ASXL3: variants seen among roughly 807,000 people sequenced by gnomAD.
ASXL3 encodes the protein ASXL transcriptional regulator 3.
A neutral mutation model predicts 170.6 loss-of-function variants in ASXL3; 34 were observed. The observed-to-expected ratio is 0.20, with a 90% CI of 0.15 to 0.27. The LOEUF is 0.27. Ranked by LOEUF, ASXL3 falls within the 10% of genes least tolerant of loss-of-function variation. ASXL3 has a pLI of 1.00. For synonymous variants in ASXL3, 1,002 were observed against 989.1 expected (o/e 1.01, Z -0.24); for missense variants, 2,592 against 2,695.3 (o/e 0.96, Z 0.85).
Position 33,740,147 on chromosome 18 carries a change from C to A in ASXL3, c.2743C>A (p.Pro915Thr). The A allele has an allele frequency of 6.2e-7, 1 of 1,613,896 alleles. No individual in the cohort carries two copies. Among genetic ancestry groups the A allele is most frequent in the South Asian group, 1.1e-5 (1 of 91,080 alleles). Residue 915 changes from proline (P) to threonine (T), a missense_variant, in exon 11 of 12, where the codon CCA becomes ACA. Physicochemically the swap from Pro to Thr is conservative, Grantham distance 38. Transcript: ENST00000269197. ...ATATATCTCATCAGTGGATAAGGCT[C>A]CATTTTCAGAAGGCTCTAGAAATAA... ...KQYISSVDKA[P>T]FSEGSRNKTH... is the part of the protein sequence containing the mutation.
intron 8 of ASXL3, among the ~76,000 whole-genome samples, chr18:33,729,098 C>G (rs1376043853): frequency 2.0e-5 from 3 of 151,832 alleles, no homozygotes; most frequent in African/African-American, 7.3e-5. Context: ...TAGGAACCTC[C>G]TCAGCTCTTT....
intron 8 of ASXL3, among the ~76,000 whole-genome samples, chr18:33,728,558 C>T (rs542993723): frequency 8.4e-4 from 127 of 152,092 alleles, no homozygotes; most frequent in African/African-American, 2.9e-3. Context: ...TTGTCTTTAC[C>T]AAAACTCCTT....
chr18:33,610,201 T>C (rs1022428721), intron 2 of ASXL3, among the ~76,000 whole-genome samples: 4 of 152,074 alleles, frequency 2.6e-5, no homozygotes, highest in Non-Finnish European at 2.9e-5. Context: ...AGTGTAACTG[T>C]ATGTATTTTT....
At chr18:33,729,019 A>G (rs2067397921) in intron 8 of ASXL3, among the ~76,000 whole-genome samples, 1 of 152,176 alleles carries the variant, frequency 6.6e-6, no homozygotes, top group Admixed American at 6.6e-5. Flanking sequence ...CCTGGGGCCT[A>G]TGGTACATTT....
At chr18:33,688,657 A>G (rs1013528280) in intron 8 of ASXL3, among the ~76,000 whole-genome samples, 1 of 152,220 alleles carries the variant, frequency 6.6e-6, no homozygotes, top group Admixed American at 6.5e-5. Flanking sequence ...TGCCGATCAT[A>G]TATAGGCAAT....
At chr18:33,683,360 C>T (rs990379758) in intron 7 of ASXL3, 45 bp from the exon 8 acceptor site, 1 of 1,551,526 alleles carries the variant, frequency 6.4e-7, no homozygotes, top group Non-Finnish European at 8.7e-7. Flanking sequence ...GTACACGTTT[C>T]CCTCTACCTG....
chr18:33,710,163 G>C (rs1463310162), intron 8 of ASXL3, among the ~76,000 whole-genome samples: 4 of 152,210 alleles, frequency 2.6e-5, no homozygotes. Context: ...GGCTGAGGCA[G>C]GAGAATCGCT....
chr18:33,693,997 C>T (rs953659637), intron 8 of ASXL3, among the ~76,000 whole-genome samples: 22 of 152,030 alleles, frequency 1.4e-4, no homozygotes, highest in African/African-American at 4.3e-4. Flanking sequence ...TTATGGGGTC[C>T]TAGAGTAACA....
At chr18:33,607,449 G>T in intron 1 of ASXL3, 145 bp from the exon 2 acceptor site, 1 of 647,116 alleles carries the variant, frequency 1.5e-6, no homozygotes, top group Non-Finnish European at 2.6e-6. Context: ...TTCTTCCTTT[G>T]GACACCTGAT....
rs553684633 is a variant in ASXL3 at position 33,655,341 on chromosome 18, A to G, written c.356-6275A>G. Among the ~76,000 whole-genome samples, 7 of 152,150 alleles carry G rather than the reference A, an allele frequency of 4.6e-5. No individual in the cohort carries two copies. The East Asian group carries it at 7.8e-4, about 17-fold the overall frequency. On this transcript the variant is annotated intron_variant, in intron 4 of 11. Coordinates refer to ENST00000269197, the MANE Select transcript of ASXL3 (RefSeq NM_030632.3). ...AGTAATCATTCCAGTTACATTAGGT[A>G]TGTTTCATTATAGAAGATATTGTTC...
chr18:33,692,714 G>A (rs2066705514), intron 8 of ASXL3, among the ~76,000 whole-genome samples: 1 of 152,158 alleles, frequency 6.6e-6, no homozygotes, highest in Admixed American at 6.5e-5. Flanking sequence ...CTAGCACATA[G>A]TAGGTGCTCA....
At chr18:33,691,257 G>T (rs1445270057) in intron 8 of ASXL3, among the ~76,000 whole-genome samples, 1 of 152,130 alleles carries the variant, frequency 6.6e-6, no homozygotes, top group African/African-American at 2.4e-5. Context: ...CTCTCTGCCC[G>T]TGGTCTGATA....
At position 33,740,178 on chromosome 18, in the gene ASXL3, A is replaced by G. The variant is rs1285401417; in HGVS notation, c.2774A>G (p.His925Arg). Residue 925 changes from histidine (H) to arginine (R), a missense_variant, in exon 11 of 12, where the codon CAT (histidine) becomes CGT (arginine). His to Arg is a conservative substitution (Grantham distance 29). Coordinates refer to ENST00000269197, the MANE Select transcript of ASXL3 (RefSeq NM_030632.3). ...PFSEGSRNKT[H>R]KQGSTQSRLE... Reference sequence around the variant, plus strand: ...TCAGAAGGCTCTAGAAATAAAACACATAAGCAAGGGAGTACACAGAGTCGG... The same window carrying G: ...TCAGAAGGCTCTAGAAATAAAACACGTAAGCAAGGGAGTACACAGAGTCGG... 1.2e-6 allele frequency: 2 copies of G among 1,613,960 alleles called. No homozygotes were observed. The highest frequency in any genetic ancestry group is 1.7e-6 in the Non-Finnish European group (2 of 1,179,872).
At chr18:33,606,329 A>C (rs2065248173) in intron 1 of ASXL3, among the ~76,000 whole-genome samples, 2 of 151,858 alleles carry the variant, frequency 1.3e-5, no homozygotes, top group African/African-American at 4.8e-5. Flanking sequence ...TCTTTTAATA[A>C]TTTATAACAT....
chr18:33,744,470 C>T lies in ASXL3; in HGVS notation c.4622C>T (p.Ala1541Val). Residue 1541 changes from alanine to valine, a missense_variant, in exon 12 of 12, where the codon GCT (alanine) becomes GTT (valine). Ala to Val is a moderately conservative substitution (Grantham distance 64). This residue lies in a region of ASXL3 where 2,246 missense variants were observed against 2,219.6 expected (regional missense o/e 1.01). Coordinates refer to ENST00000269197, the MANE Select transcript of ASXL3 (RefSeq NM_030632.3). ...ATAGATCACAGTTCCACTTTCATTG[C>T]TGCTTCGGCAGCAAAACAAGACAGT... ...EGIDHSSTFIAASAAKQDSKT... is the reference protein window; with the variant it reads ...EGIDHSSTFIVASAAKQDSKT... 6.2e-7 allele frequency: 1 copy of T among 1,613,254 alleles called. No individual in the cohort carries two copies. Among genetic ancestry groups the T allele is most frequent in the Middle Eastern group, 1.6e-4 (1 of 6,062 alleles).
intron 7 of ASXL3, among the ~76,000 whole-genome samples, chr18:33,681,653 G>A (rs1443018169): frequency 1.3e-5 from 2 of 151,206 alleles, no homozygotes; most frequent in Non-Finnish European, 2.9e-5. Flanking sequence ...TGGAGGAATG[G>A]GTATCTTTCT....
chr18:33,683,433 C>T lies in ASXL3; in HGVS notation c.744C>T (p.Asp248=), dbSNP rs1568325863. 1.2e-6 allele frequency: 2 copies of T among 1,613,214 alleles called. No individual in the cohort carries two copies. Among genetic ancestry groups the T allele is most frequent in the East Asian group, 2.2e-5 (1 of 44,806 alleles). The change falls in exon 8 of 12, where the codon GAC becomes GAT. Residue 248 remains aspartate, a synonymous_variant. Transcript: ENST00000269197. ...ACTTGAAATGGACCAAAGCTGAGGA[C>T]ATTGACATAGAAACCCCAGGATCTA... ...LGHLKWTKAE[D]IDIETPGSIL... is the part of the protein sequence containing the mutation.
chr18:33,743,749 G>A lies in ASXL3; in HGVS notation c.3901G>A (p.Glu1301Lys), dbSNP rs1363902051. 2 of 1,613,912 alleles carry A rather than the reference G, an allele frequency of 1.2e-6. No homozygotes were observed. The highest frequency in any genetic ancestry group is 1.7e-5 in the Admixed American group (1 of 60,022). Reference sequence around the variant, plus strand: ...CATAGCCATTATACCAAAATGTATTGAAAGCACTCCCATTTCAGCCACTAC... The same window carrying A: ...CATAGCCATTATACCAAAATGTATTAAAAGCACTCCCATTTCAGCCACTAC... ...PCIAIIPKCI[E>K]STPISATTEG... is the part of the protein sequence containing the mutation. The change falls in exon 12 of 12, where the codon GAA becomes AAA. Residue 1301 changes from glutamate (E) to lysine (K), a missense_variant. Glu to Lys is a moderately conservative substitution (Grantham distance 56). Coordinates refer to ENST00000269197, the MANE Select transcript of ASXL3 (RefSeq NM_030632.3).
intron 11 of ASXL3, among the ~76,000 whole-genome samples, chr18:33,741,838 C>T (rs955670982): frequency 2.0e-5 from 3 of 152,166 alleles, no homozygotes. Flanking sequence ...TCAGTTTCCT[C>T]AACTGTGAAA....
Sources: allele counts gnomAD v4.1 joint callset (sites outside exome capture counted in the v4.1 genomes callset), GRCh38; gene constraint gnomAD v4.1.1; regional missense constraint gnomAD v4.1.1; transcripts MANE v1.5; gene names NCBI Gene and HGNC (gene_info 2026-07-23, HGNC 2026-07-21).